SLC17A6: variants seen among roughly 807,000 people sequenced by gnomAD.
SLC17A6 encodes the protein solute carrier family 17 member 6.
Under a neutral mutation model 67.1 loss-of-function variants are expected in SLC17A6, and 35 were observed. The observed-to-expected ratio is 0.52, with a 90% CI of 0.40 to 0.69. The LOEUF is 0.69. Among genes scored for constraint, SLC17A6 ranks in the 30% least tolerant of loss-of-function variants. The probability of loss-of-function intolerance (pLI) is 0.00; values close to 1 mark genes in which losing one functional copy is unlikely to be tolerated. For missense variants in SLC17A6, 588 were observed against 723.9 expected, an observed-to-expected ratio of 0.81 and a Z score of 2.15; for synonymous variants, 285 against 252.3, an observed-to-expected ratio of 1.13 and a Z score of -1.23.
chr11:22,363,420 A>G (rs893419920), intron 6 of SLC17A6, among the ~76,000 whole-genome samples: 1 of 152,214 alleles, frequency 6.6e-6, no homozygotes, highest in African/African-American at 2.4e-5. Flanking sequence ...CTTTGTAACT[A>G]TTTCAAAATA....
chr11:22,357,681 T>C (rs1856006633), intron 3 of SLC17A6, among the ~76,000 whole-genome samples: 1 of 152,232 alleles, frequency 6.6e-6, no homozygotes, highest in Non-Finnish European at 1.5e-5. Context: ...GGAGAGACAG[T>C]GATGATAGAA....
chr11:22,356,875 A>G (rs1855997940), intron 3 of SLC17A6, among the ~76,000 whole-genome samples: 1 of 152,222 alleles, frequency 6.6e-6, no homozygotes, highest in Admixed American at 6.5e-5. Flanking sequence ...CAATTATGCC[A>G]TGATATTGTA....
intron 3 of SLC17A6, among the ~76,000 whole-genome samples, chr11:22,353,185 A>C (rs76292330): frequency 5.3e-5 from 8 of 152,202 alleles, no homozygotes; most frequent in Non-Finnish European, 7.3e-5. Context: ...GTCCCCTTTC[A>C]TAATTGATTT....
chr11:22,345,673 A>C (rs1187861001), intron 3 of SLC17A6, among the ~76,000 whole-genome samples: 2 of 152,136 alleles, frequency 1.3e-5, no homozygotes, highest in Non-Finnish European at 2.9e-5. Context: ...GAGATCAACT[A>C]CCTTATCTTG....
At chr11:22,340,952 G>A (rs560263349) in intron 1 of SLC17A6, among the ~76,000 whole-genome samples, 2 of 152,268 alleles carry the variant, frequency 1.3e-5, no homozygotes, top group East Asian at 1.9e-4. Flanking sequence ...GGGTGGATTG[G>A]GGAGCGGAAT....
intron 3 of SLC17A6, among the ~76,000 whole-genome samples, chr11:22,355,130 T>C (rs1855982141): frequency 2.0e-5 from 3 of 152,124 alleles, no homozygotes; most frequent in Non-Finnish European, 4.4e-5. Context: ...AATATTCCCA[T>C]TGTTTAGATG....
chr11:22,348,130 G>C (rs1855898724), intron 3 of SLC17A6, among the ~76,000 whole-genome samples: 1 of 152,108 alleles, frequency 6.6e-6, no homozygotes, highest in Non-Finnish European at 1.5e-5. Flanking sequence ...AGGTCACAAA[G>C]GGATTGTGAC....
intron 3 of SLC17A6, among the ~76,000 whole-genome samples, chr11:22,348,438 A>C (rs1192679517): frequency 1.3e-5 from 2 of 152,204 alleles, no homozygotes; most frequent in Non-Finnish European, 2.9e-5. Flanking sequence ...TGGTGACAAC[A>C]TAGCTGATTC....
intron 5 of SLC17A6, among the ~76,000 whole-genome samples, chr11:22,362,024 G>C (rs949801887): frequency 1.6e-4 from 24 of 151,816 alleles, no homozygotes; most frequent in African/African-American, 5.3e-4. Flanking sequence ...ATATGTCTAA[G>C]ACCTTTTTTT....
intron 3 of SLC17A6, among the ~76,000 whole-genome samples, chr11:22,349,710 A>G (rs2665691): frequency 0.66 from 99,770 of 151,986 alleles, 33,323 homozygotes; most frequent in Middle Eastern, 0.75. Flanking sequence ...TCTCTCTGTC[A>G]TGAGTGATGA....
At chr11:22,361,265 T>G in intron 5 of SLC17A6, 2 of 239,564 alleles carry the variant, frequency 8.3e-6, no homozygotes, top group South Asian at 1.4e-4. Flanking sequence ...TATACTGCAG[T>G]CCATTTTTTT....
At chr11:22,376,442 C>A in intron 10 of SLC17A6, 103 bp from the exon 11 acceptor site, 1 of 1,290,124 alleles carries the variant, frequency 7.8e-7, no homozygotes, top group Non-Finnish European at 1.1e-6. Context: ...AGCACGTGTT[C>A]TGTACCCAGT....
At chr11:22,343,976 C>A (rs1419357905) in intron 3 of SLC17A6, among the ~76,000 whole-genome samples, 1 of 152,100 alleles carries the variant, frequency 6.6e-6, no homozygotes, top group Non-Finnish European at 1.5e-5. Flanking sequence ...TGTCCACAAC[C>A]AAGGTCCTAG....
chr11:22,344,533 G>T (rs1367278205), intron 3 of SLC17A6, among the ~76,000 whole-genome samples: 1 of 152,150 alleles, frequency 6.6e-6, no homozygotes, highest in Non-Finnish European at 1.5e-5. Context: ...GGGTTTTGGG[G>T]CAGTGCTTTA....
intron 6 of SLC17A6, among the ~76,000 whole-genome samples, chr11:22,364,644 C>T (rs1155331): frequency 0.37 from 56,752 of 151,822 alleles, 12,331 homozygotes; most frequent in East Asian, 0.65. Flanking sequence ...GGAGATTGAA[C>T]AGGCCAAAGA....
chr11:22,362,256 A>C (rs1435239506), intron 5 of SLC17A6: 1 of 472,710 alleles, frequency 2.1e-6, no homozygotes, highest in Admixed American at 2.7e-5. Context: ...AACTGAAGCA[A>C]TATGCCTTCA....
At position 22,376,662 on chromosome 11, in the gene SLC17A6, C is replaced by G; in HGVS notation, c.1403C>G (p.Thr468Arg). 1 of 1,613,614 alleles carries G rather than the reference C, an allele frequency of 6.2e-7. No individual in the cohort carries two copies. The highest frequency in any genetic ancestry group is 8.5e-7 in the Non-Finnish European group (1 of 1,179,732). ...TGTCCTATCATTGTTGGTGCAATGA[C>G]AAAGAATAAGGTAAGATGGTCAAAA... Reference protein sequence around the residue: ...MVCPIIVGAMTKNKSREEWQY... With the variant: ...MVCPIIVGAMRKNKSREEWQY... Residue 468 changes from threonine to arginine, a missense_variant, in exon 11 of 12, where the codon ACA (threonine) becomes AGA (arginine). Thr to Arg is a moderately conservative substitution (Grantham distance 71, BLOSUM62 -1). Around this residue, in one of 4 missense-constraint regions of SLC17A6, gnomAD observed 414 missense variants for 563.4 expected, o/e 0.73. Transcript: ENST00000263160.
Position 22,360,884 on chromosome 11 carries a change from T to G in SLC17A6, c.574-13T>G. The G allele has an allele frequency of 2.5e-6, 4 of 1,606,700 alleles. No individual in the cohort carries two copies. The highest frequency in any genetic ancestry group is 3.4e-6 in the Non-Finnish European group (4 of 1,173,368). On this transcript the variant is annotated splice_polypyrimidine_tract_variant and intron_variant, in intron 4 of 11. Coordinates refer to ENST00000263160, the MANE Select transcript of SLC17A6 (RefSeq NM_020346.3). ...TAAATGGTGACAGTGATGAGTATCT[T>G]CCCCCATCACAGGGTGTGACCTACC...
intron 7 of SLC17A6, among the ~76,000 whole-genome samples, chr11:22,366,711 G>C (rs1313649185): frequency 6.6e-6 from 1 of 152,042 alleles, no homozygotes; most frequent in Non-Finnish European, 1.5e-5. Flanking sequence ...TAAAAAGGTG[G>C]CTGGGCGTCG....
Sources: gnomAD v4.1 joint callset for allele counts (sites outside exome capture counted in the v4.1 genomes callset) on GRCh38, gnomAD v4.1.1 for gene constraint, gnomAD v4.1.1 regional missense constraint, MANE v1.5 for transcripts, NCBI Gene and HGNC (gene_info 2026-07-23, HGNC 2026-07-21) for gene names.